The following SLC31A1 variants were observed in gnomAD, a reference collection of about 807,000 sequenced individuals.
The protein encoded by SLC31A1 is high affinity copper uptake protein 1.
SLC31A1 carries 5 observed loss-of-function variants against 17.2 expected under a neutral mutation model. That is an observed-to-expected ratio of 0.29 (90% CI 0.15 to 0.61). The LOEUF is 0.61. Among genes scored for constraint, SLC31A1 ranks in the 20% least tolerant of loss-of-function variants. SLC31A1 has a pLI of 0.86. For missense variants in SLC31A1, 161 were observed against 241.4 expected (o/e 0.67, Z 2.21); for synonymous variants, 76 against 78.8 (o/e 0.96, Z 0.19).
intron 1 of SLC31A1, chr9:113,227,657 A>C (rs1469967498): frequency 6.6e-6 from 1 of 152,262 alleles, no homozygotes; most frequent in African/African-American, 2.4e-5. Context: ...AAAAGGGAAC[A>C]GTTCAAATGT....
At chr9:113,224,715 A>T (rs1454399180) in intron 1 of SLC31A1, among the ~76,000 whole-genome samples, 1 of 152,250 alleles carries the variant, frequency 6.6e-6, no homozygotes, top group East Asian at 1.9e-4. Context: ...GGCGTGGGCC[A>T]ACGCACCCGG....
chr9:113,244,647 T>C (rs1015949973), intron 1 of SLC31A1, among the ~76,000 whole-genome samples: 2 of 152,210 alleles, frequency 1.3e-5, no homozygotes, highest in African/African-American at 4.8e-5. Flanking sequence ...AAGAATTTAT[T>C]ATAGATGATC....
chr9:113,226,959 C>G (rs577874107), intron 1 of SLC31A1, among the ~76,000 whole-genome samples: 4 of 152,238 alleles, frequency 2.6e-5, no homozygotes, highest in African/African-American at 9.6e-5. Flanking sequence ...TCACACAACC[C>G]CTATGCATAA....
At position 113,225,887 on chromosome 9, in the gene SLC31A1, C is replaced by T. The variant is rs144706534; in HGVS notation, c.-36+4209C>T. On this transcript the variant is annotated intron_variant, in intron 1 of 4. Coordinates refer to ENST00000374212, the MANE Select transcript of SLC31A1 (RefSeq NM_001859.4). ...GTGTTCGGCCAGGTGTGGTGGCTCCCGCCTGTAATCCCAGCTCAGGCAGAT... is the reference window on the plus strand; with the variant it reads ...GTGTTCGGCCAGGTGTGGTGGCTCCTGCCTGTAATCCCAGCTCAGGCAGAT... 5.3e-5 allele frequency among the ~76,000 whole-genome samples: 8 copies of T among 152,094 alleles called. No homozygotes were observed. The East Asian group carries it at 1.2e-3, about 22-fold the overall frequency.
chr9:113,222,686 A>G (rs943643093), intron 1 of SLC31A1, among the ~76,000 whole-genome samples: 1 of 152,234 alleles, frequency 6.6e-6, no homozygotes, highest in Admixed American at 6.5e-5. Context: ...AAGATGTTAA[A>G]GCAGCGAAGG....
chr9:113,255,706 G>A, intron 1 of SLC31A1: 1 of 155,818 alleles, frequency 6.4e-6, no homozygotes, highest in Non-Finnish European at 1.4e-5. Context: ...GCAGAATAAG[G>A]AAGGGTTAGG....
chr9:113,232,927 A>G (rs747730502), intron 1 of SLC31A1, among the ~76,000 whole-genome samples: 8 of 152,208 alleles, frequency 5.3e-5, no homozygotes, highest in Non-Finnish European at 7.3e-5. Context: ...GAGGAATTGC[A>G]CTTATACCAT....
chr9:113,236,782 A>T (rs1261052604), intron 1 of SLC31A1, among the ~76,000 whole-genome samples: 1 of 152,240 alleles, frequency 6.6e-6, no homozygotes, highest in Non-Finnish European at 1.5e-5. Flanking sequence ...ACCTAATGTA[A>T]TAGAAAACCA....
At chr9:113,247,528 C>T (rs777245534) in intron 1 of SLC31A1, among the ~76,000 whole-genome samples, 22 of 152,054 alleles carry the variant, frequency 1.4e-4, no homozygotes, top group Non-Finnish European at 2.9e-4. Flanking sequence ...AGAATTTAGC[C>T]GTCTTGCTAA....
In SLC31A1 at chr9:113,262,372, A is replaced by G. The variant is rs1831803624; in HGVS notation, c.*1899A>G. ...TGCAGTCTTATTCCTGGTTCAAACTACCTCTTTAAATTGATTTGTCTTGTG... is the reference window on the plus strand; with the variant it reads ...TGCAGTCTTATTCCTGGTTCAAACTGCCTCTTTAAATTGATTTGTCTTGTG... On this transcript the variant is annotated 3_prime_UTR_variant, in exon 5 of 5. Transcript: ENST00000374212. 6.6e-6 allele frequency: 1 copy of G among 152,658 alleles called. No individual in the cohort carries two copies. The allele number at this position is 152,658 out of a possible 1,614,324, so 9.5% of individuals were successfully genotyped here.
chr9:113,221,671 CTG>C lies in SLC31A1; in HGVS notation c.-42_-41del. 1 of 315,564 alleles carries C rather than the reference CTG, an allele frequency of 3.2e-6. No individual in the cohort carries two copies. Among genetic ancestry groups the C allele is most frequent in the Non-Finnish European group, 6.2e-6 (1 of 161,010 alleles). 19.5% of individuals were successfully genotyped at this position (315,564 alleles called of 1,614,324 possible). On this transcript the variant is annotated 5_prime_UTR_variant, in exon 1 of 5. Coordinates refer to ENST00000374212, the MANE Select transcript of SLC31A1 (RefSeq NM_001859.4). ...AGAGGTGCTAGTGGCTGGACTTGACCTGGAAAGGTAAGGCTTCTCTCGGCCCC... is the reference window on the plus strand; with the variant it reads ...AGAGGTGCTAGTGGCTGGACTTGACCGAAAGGTAAGGCTTCTCTCGGCCCC...
chr9:113,235,763 G>T (rs1399753687), intron 1 of SLC31A1, among the ~76,000 whole-genome samples: 1 of 152,170 alleles, frequency 6.6e-6, no homozygotes, highest in Non-Finnish European at 1.5e-5. Flanking sequence ...AAAAAAGACG[G>T]CAATGCCCTG....
chr9:113,223,385 A>G (rs1412759070), intron 1 of SLC31A1: 1 of 340,436 alleles, frequency 2.9e-6, no homozygotes, highest in African/African-American at 2.2e-5. Flanking sequence ...TCAGATTGGT[A>G]ATACTGGACT....
rs1831808702 is a variant in SLC31A1 at position 113,262,807 on chromosome 9, T to C, written c.*2334T>C. On this transcript the variant is annotated 3_prime_UTR_variant, in exon 5 of 5. Coordinates refer to ENST00000374212, the MANE Select transcript of SLC31A1 (RefSeq NM_001859.4). ...AATCAATAGTTAGTAGTGACATTGG[T>C]GCTCTCTAGAAATCTCAGCATGAGC... 6.6e-6 allele frequency: 1 copy of C among 152,660 alleles called. No homozygotes were observed. The highest frequency in any genetic ancestry group is 2.4e-5 in the African/African-American group (1 of 41,458). The allele number at this position is 152,660 out of a possible 1,614,324, so 9.5% of individuals were successfully genotyped here.
At chr9:113,223,265 A>G (rs1831305412) in intron 1 of SLC31A1, 1 of 452,248 alleles carries the variant, frequency 2.2e-6, no homozygotes, top group African/African-American at 2.0e-5. Context: ...CATTAGCAGT[A>G]TGAGGAGGAG....
intron 1 of SLC31A1, among the ~76,000 whole-genome samples, chr9:113,244,743 T>G (rs758124783): frequency 1.3e-5 from 2 of 152,194 alleles, no homozygotes; most frequent in Non-Finnish European, 2.9e-5. Flanking sequence ...AATCTAAGAT[T>G]TGTATGTGGG....
chr9:113,258,319 A>C lies in SLC31A1; in HGVS notation c.203-375A>C, dbSNP rs1270207007. ...CACAGTGTGAAAGACTTAGAATTGAAATGCCTATTCAGGAAATGTAGTCAG... is the reference window on the plus strand; with the variant it reads ...CACAGTGTGAAAGACTTAGAATTGACATGCCTATTCAGGAAATGTAGTCAG... On this transcript the variant is annotated intron_variant, in intron 3 of 4. Coordinates refer to ENST00000374212, the MANE Select transcript of SLC31A1 (RefSeq NM_001859.4). This position sits in a 1 kb window ranked among gnomAD's most constrained non-coding sequence, Gnocchi z 4.8. Among the ~76,000 whole-genome samples, 1 of 152,212 alleles carries C rather than the reference A, an allele frequency of 6.6e-6. No individual in the cohort carries two copies. The highest frequency in any genetic ancestry group is 1.5e-5 in the Non-Finnish European group (1 of 68,046).
rs556312157 is a variant in SLC31A1 at position 113,224,728 on chromosome 9, T to C, written c.-36+3050T>C. Among the ~76,000 whole-genome samples, 5 of 152,338 alleles carry C rather than the reference T, an allele frequency of 3.3e-5. No individual in the cohort carries two copies. The South Asian group carries it at 8.3e-4, about 25-fold the overall frequency. ...GAGGCGTGGGCCAACGCACCCGGCC[T>C]TGTGTGCTCACTTTTATCTGGTCTT... On this transcript the variant is annotated intron_variant, in intron 1 of 4. Coordinates refer to ENST00000374212, the MANE Select transcript of SLC31A1 (RefSeq NM_001859.4).
chr9:113,244,940 T>A (rs1454995073), intron 1 of SLC31A1, among the ~76,000 whole-genome samples: 3 of 152,238 alleles, frequency 2.0e-5, no homozygotes, highest in Non-Finnish European at 4.4e-5. Context: ...TTTTTTCTTG[T>A]TGACCTGACC....
Sources: allele counts gnomAD v4.1 joint callset (sites outside exome capture counted in the v4.1 genomes callset), GRCh38; gene constraint gnomAD v4.1.1; non-coding constraint Gnocchi (gnomAD v3.1); transcripts MANE v1.5; gene names NCBI Gene and HGNC (gene_info 2026-07-23, HGNC 2026-07-21).